Variants in SORBS2 observed in about 807,000 individuals in gnomAD.
SORBS2 encodes sorbin and SH3 domain containing 2.
Under a neutral mutation model 97.7 loss-of-function variants are expected in SORBS2, and 46 were observed. That is an observed-to-expected ratio of 0.47 (90% CI 0.37 to 0.60). The LOEUF is 0.60. SORBS2 is among the 20% of genes least tolerant of loss of function. The probability of loss-of-function intolerance (pLI) is 0.00; values close to 1 mark genes in which losing one functional copy is unlikely to be tolerated. For missense variants in SORBS2, 1,316 were observed against 1,282.3 expected (o/e 1.03, Z -0.40); for synonymous variants, 476 against 473.4 (o/e 1.01, Z -0.07).
intron 1 of SORBS2, among the ~76,000 whole-genome samples, chr4:185,779,772 T>C (rs943272065): frequency 6.6e-6 from 1 of 152,240 alleles, no homozygotes; most frequent in Admixed American, 6.5e-5. Context: ...TGGCATTGTC[T>C]AGTATCCCAG....
chr4:185,908,132 C>A (rs2099252176), intron 1 of SORBS2, among the ~76,000 whole-genome samples: 1 of 151,780 alleles, frequency 6.6e-6, no homozygotes, highest in Admixed American at 6.6e-5. Flanking sequence ...TCTTGATGAG[C>A]TGCTTCACAC....
In SORBS2 at chr4:185,623,559, T is replaced by C. The variant is rs1436277545; in HGVS notation, c.1570A>G (p.Ser524Gly). The C allele has an allele frequency of 6.2e-7, 1 of 1,614,078 alleles. No individual in the cohort carries two copies. Among genetic ancestry groups the C allele is most frequent in the African/African-American group, 1.3e-5 (1 of 75,022 alleles). ...GAAAAGTGATCAAAGTCACTTTCAC[T>C]GCAGAAGGATGACCCCTCTAGGTGA... Residue 524 changes from serine (S) to glycine (G), a missense_variant, in exon 7 of 15, where the codon AGT becomes GGT. Ser to Gly is a moderately conservative substitution (Grantham distance 56, BLOSUM62 0). Transcript: ENST00000418609. This position sits in a 1 kb window ranked among gnomAD's most constrained non-coding sequence, Gnocchi z 6.4.
At chr4:185,881,636 AAT>A (rs1358256965) in intron 1 of SORBS2, among the ~76,000 whole-genome samples, 1 of 152,166 alleles carries the variant, frequency 6.6e-6, no homozygotes, top group Non-Finnish European at 1.5e-5. Context: ...AATCCGGTGA[AAT>A]ATGTTATTCA....
At chr4:185,801,678 C>G (rs1174756657) in intron 1 of SORBS2, among the ~76,000 whole-genome samples, 1 of 150,034 alleles carries the variant, frequency 6.7e-6, no homozygotes, top group South Asian at 2.1e-4. Context: ...CTCTCTCTCT[C>G]TCTCTCTCTC....
At chr4:185,889,026 G>A (rs1256338435) in intron 1 of SORBS2, among the ~76,000 whole-genome samples, 3 of 152,172 alleles carry the variant, frequency 2.0e-5, no homozygotes, top group Non-Finnish European at 4.4e-5. Context: ...TGAGGCGATC[G>A]GGGCTGAGTG....
intron 4 of SORBS2, among the ~76,000 whole-genome samples, chr4:185,668,347 C>A (rs1212114152): frequency 6.6e-6 from 1 of 152,222 alleles, no homozygotes; most frequent in Non-Finnish European, 1.5e-5. Flanking sequence ...TTTCGAATTT[C>A]TTTCACCACC....
At chr4:185,909,686 A>G (rs1218361990) in intron 1 of SORBS2, among the ~76,000 whole-genome samples, 4 of 152,200 alleles carry the variant, frequency 2.6e-5, no homozygotes, top group Non-Finnish European at 5.9e-5. Flanking sequence ...TTTCACTGCC[A>G]CTCAATATAA....
upstream of SORBS2, among the ~76,000 whole-genome samples, chr4:185,659,520 C>T (rs1018417640): frequency 7.9e-5 from 12 of 151,840 alleles, no homozygotes; most frequent in African/African-American, 2.4e-4. Context: ...GGGTTCACGC[C>T]GTTCTCCTGC....
intron 1 of SORBS2, among the ~76,000 whole-genome samples, chr4:185,804,661 A>C (rs2099145519): frequency 6.6e-6 from 1 of 152,240 alleles, no homozygotes; most frequent in African/African-American, 2.4e-5. Flanking sequence ...TAATATGCAT[A>C]AAACTCTTGG....
chr4:185,952,180 A>G (rs931838597), intron 1 of SORBS2, among the ~76,000 whole-genome samples: 1 of 151,908 alleles, frequency 6.6e-6, no homozygotes, highest in Non-Finnish European at 1.5e-5. Context: ...GTGTGCCACC[A>G]CTTCTGGCTA....
intron 1 of SORBS2, among the ~76,000 whole-genome samples, chr4:185,844,628 C>T (rs959682045): frequency 2.0e-5 from 3 of 152,150 alleles, no homozygotes; most frequent in Non-Finnish European, 4.4e-5. Context: ...AAAGTGAACA[C>T]AGATCTTCAA....
intron 1 of SORBS2, among the ~76,000 whole-genome samples, chr4:185,938,821 C>G (rs1021112914): frequency 3.0e-4 from 45 of 152,258 alleles, no homozygotes; most frequent in African/African-American, 1.1e-3. Flanking sequence ...CTCCTCTATT[C>G]TCCCCCTGTA....
intron 1 of SORBS2, among the ~76,000 whole-genome samples, chr4:185,794,659 G>C (rs1305683856): frequency 1.3e-5 from 2 of 152,014 alleles, no homozygotes; most frequent in Non-Finnish European, 2.9e-5. Flanking sequence ...ATGACAAGGT[G>C]TGGAGAAAGA....
At chr4:185,841,340 T>C (rs567905774) in intron 1 of SORBS2, among the ~76,000 whole-genome samples, 2 of 152,126 alleles carry the variant, frequency 1.3e-5, no homozygotes, top group African/African-American at 4.8e-5. Context: ...TTAGTGGAGG[T>C]GAGACATTCA....
At position 185,865,588 on chromosome 4, in the gene SORBS2, G is replaced by A. The variant is rs182392632; in HGVS notation, c.-337-90222C>T. ...AGTTCTGGAATGGGAACACGGAAAC[G>A]TACAGAACACCATTTCAAGAACATC... is the stretch of plus-strand genomic sequence containing the variant. On this transcript the variant is annotated intron_variant, in intron 1 of 20. Transcript: ENST00000284776. Among the ~76,000 whole-genome samples, 188 of 103,220 alleles carry A rather than the reference G, an allele frequency of 1.8e-3. 2 individuals are homozygous for A. Among genetic ancestry groups the A allele is most frequent in the Middle Eastern group, 5.8e-3 (1 of 172 alleles). 67.7% of individuals were successfully genotyped at this position (103,220 alleles called of 152,430 possible). A position where few individuals can be genotyped will look rare whatever the true frequency, so the allele number is the denominator to read the frequency against.
At position 185,827,054 on chromosome 4, in the gene SORBS2, CCAT is replaced by C. The variant is rs1282181628; in HGVS notation, c.-337-51691_-337-51689del. 2.0e-4 allele frequency among the ~76,000 whole-genome samples: 26 copies of C among 130,736 alleles called. No homozygotes were observed. The East Asian group carries it at 4.8e-3, about 24-fold the overall frequency. 85.8% of individuals were successfully genotyped at this position (130,736 alleles called of 152,430 possible). ...ATCACCACCATCATCACCACCATCA[CCAT>C]CATCATCATCACCATCATCATCACC... On this transcript the variant is annotated intron_variant, in intron 1 of 20. Coordinates refer to the SORBS2 transcript ENST00000284776.
intron 12 of SORBS2, among the ~76,000 whole-genome samples, chr4:185,595,098 C>G (rs189417051): frequency 1.8e-4 from 27 of 152,268 alleles, no homozygotes; most frequent in Non-Finnish European, 3.5e-4. Context: ...GTCAATGATT[C>G]ACCCACTTCC....
intron 2 of SORBS2, among the ~76,000 whole-genome samples, chr4:185,745,287 C>A (rs1173124613): frequency 6.6e-6 from 1 of 152,176 alleles, no homozygotes; most frequent in Non-Finnish European, 1.5e-5. Context: ...GAGCACCAAC[C>A]TGAACATGGC....
intron 5 of SORBS2, 75 bp downstream of exon 8, chr4:185,662,029 C>T: frequency 6.5e-7 from 1 of 1,539,922 alleles, no homozygotes; most frequent in South Asian, 1.2e-5. Flanking sequence ...CACCTTGATG[C>T]CGCATATCTT....
Sources: gnomAD v4.1 joint callset for allele counts (sites outside exome capture counted in the v4.1 genomes callset) on GRCh38, gnomAD v4.1.1 for gene constraint, Gnocchi (gnomAD v3.1) non-coding constraint, MANE v1.5 for transcripts, NCBI Gene and HGNC (gene_info 2026-07-23, HGNC 2026-07-21) for gene names.